Variants in NLRP3 observed in about 807,000 individuals in gnomAD.
The protein encoded by NLRP3 is NLR family pyrin domain containing 3.
NLRP3 carries 48 observed loss-of-function variants against 91.3 expected under a neutral mutation model. That is an observed-to-expected ratio of 0.53 (90% CI 0.42 to 0.67). The LOEUF is 0.67. Ranked by LOEUF, NLRP3 falls within the 30% of genes least tolerant of loss-of-function variation. The probability of loss-of-function intolerance (pLI) is 0.00; values close to 1 mark genes in which losing one functional copy is unlikely to be tolerated. For synonymous variants in NLRP3, 561 were observed against 507.9 expected (o/e 1.10, Z -1.41); for missense variants, 982 against 1,276.9 (o/e 0.77, Z 3.52).
chr1:247,446,734 G>A (rs1431730338), intron 9 of NLRP3, among the ~76,000 whole-genome samples: 4 of 151,960 alleles, frequency 2.6e-5, no homozygotes, highest in Admixed American at 6.6e-5. Context: ...TATGTGCTAT[G>A]TCATTTTCTT....
intron 7 of NLRP3, among the ~76,000 whole-genome samples, chr1:247,443,073 C>A (rs1176161071): frequency 6.6e-6 from 1 of 152,028 alleles, no homozygotes; most frequent in African/African-American, 2.4e-5. Context: ...TTACAGGTGC[C>A]CACCACCACC....
Position 247,424,949 on chromosome 1 carries a change from C to T in NLRP3, c.1500C>T (p.Phe500=). ...TGCAGAAGGCGGATGTGTCTGCTTTCCTGAGGATGAACCTGTTCCAAAAGG... is the reference window on the plus strand; with the variant it reads ...TGCAGAAGGCGGATGTGTCTGCTTTTCTGAGGATGAACCTGTTCCAAAAGG... The part of the protein sequence containing the change: ...HGLQKADVSA[F]LRMNLFQKEV... The change falls in exon 4 of 10, where the codon TTC becomes TTT. Residue 500 remains phenylalanine, a synonymous_variant. Coordinates refer to ENST00000336119, the MANE Select transcript of NLRP3 (RefSeq NM_001243133.2). This position sits in a 1 kb window ranked among gnomAD's most constrained non-coding sequence, Gnocchi z 8.1. 1.2e-6 allele frequency: 2 copies of T among 1,614,048 alleles called. No homozygotes were observed. Among genetic ancestry groups the T allele is most frequent in the Non-Finnish European group, 1.7e-6 (2 of 1,180,024 alleles).
chr1:247,431,973 A>C (rs1418598399), intron 5 of NLRP3, among the ~76,000 whole-genome samples: 1 of 151,910 alleles, frequency 6.6e-6, no homozygotes, highest in Non-Finnish European at 1.5e-5. Context: ...ATCTCGGCTC[A>C]CTGCAACATC....
rs1215652398 is a variant in NLRP3, at chr1:247,418,608, A to T, written c.-193A>T. The T allele has an allele frequency of 1.8e-5, 13 of 725,806 alleles. No homozygotes were observed. The East Asian group carries it at 3.6e-4, about 20-fold the overall frequency. The allele number at this position is 725,806 out of a possible 1,614,324, so 45.0% of individuals were successfully genotyped here. On this transcript the variant is annotated 5_prime_UTR_variant, in exon 2 of 10. Transcript: ENST00000336119. Reference sequence around the variant, plus strand: ...TGAGCCACTGTGCCCGGCCTTGGCTAACTTTTCAAAATTAAAGATTTTGAC... The same window carrying T: ...TGAGCCACTGTGCCCGGCCTTGGCTTACTTTTCAAAATTAAAGATTTTGAC...
At chr1:247,429,192 C>A (rs987374474) in intron 4 of NLRP3, among the ~76,000 whole-genome samples, 2 of 152,194 alleles carry the variant, frequency 1.3e-5, no homozygotes, top group Non-Finnish European at 2.9e-5. Context: ...CATGCCCAGC[C>A]TGGCCTGAGG....
rs766166377 is a variant in NLRP3, at chr1:247,448,540, C to T, written c.*36C>T. 4 of 1,315,310 alleles carry T rather than the reference C, an allele frequency of 3.0e-6. No individual in the cohort carries two copies. In the African/African-American group the frequency reaches 4.4e-5, roughly 14 times the overall value. The allele number at this position is 1,315,310 out of a possible 1,614,324, so 81.5% of individuals were successfully genotyped here. ...GGGGCTGCCAGACGCCAGTGTTCTC[C>T]GGTCCCTCCAGCTGGGGGCCCTCAG... is the stretch of plus-strand genomic sequence containing the variant. On this transcript the variant is annotated 3_prime_UTR_variant, in exon 10 of 10. Coordinates refer to ENST00000336119, the MANE Select transcript of NLRP3 (RefSeq NM_001243133.2).
In NLRP3 at chr1:247,439,489, T is replaced by C. The variant is rs139093204; in HGVS notation, c.2663+3349T>C. ...CCATTGCCTTTATCTCTACGTGGTGTCTTCCCTGTGTCTGTGTGTGTCTTT... is the reference window on the plus strand; with the variant it reads ...CCATTGCCTTTATCTCTACGTGGTGCCTTCCCTGTGTCTGTGTGTGTCTTT... On this transcript the variant is annotated intron_variant, in intron 7 of 9. Coordinates refer to ENST00000336119, the MANE Select transcript of NLRP3 (RefSeq NM_001243133.2). Among the ~76,000 whole-genome samples, 463 of 152,340 alleles carry C rather than the reference T, an allele frequency of 3.0e-3. 2 individuals are homozygous for C. Among genetic ancestry groups the C allele is most frequent in the Admixed American group, 4.8e-3 (74 of 15,304 alleles).
At chr1:247,427,261 C>G (rs1193561189) in intron 4 of NLRP3, among the ~76,000 whole-genome samples, 1 of 152,166 alleles carries the variant, frequency 6.6e-6, no homozygotes, top group African/African-American at 2.4e-5. Flanking sequence ...CTCAAAGGCC[C>G]CATCGCCTGA....
At position 247,436,032 on chromosome 1, in the gene NLRP3, G is replaced by C. The variant is rs1663768556; in HGVS notation, c.2555G>C (p.Ser852Thr). 1.9e-6 allele frequency: 3 copies of C among 1,614,172 alleles called. No homozygotes were observed. In the East Asian group the frequency reaches 6.7e-5, roughly 36 times the overall value. The stretch of plus-strand genomic sequence containing the variant: ...GATCTTGCATCAGTATTGAGCACCA[G>C]CCATTCCCTGACCAGACTCTATGTG... Reference protein sequence around the residue: ...CQDLASVLSTSHSLTRLYVGE... With the variant: ...CQDLASVLSTTHSLTRLYVGE... Residue 852 changes from serine (S) to threonine (T), a missense_variant, in exon 7 of 10, where the codon AGC (serine) becomes ACC (threonine). Transcript: ENST00000336119.
chr1:247,447,821 A>G (rs75109973), intron 9 of NLRP3, among the ~76,000 whole-genome samples: 9,953 of 151,888 alleles, frequency 0.066, 356 homozygotes, highest in East Asian at 0.079. Flanking sequence ...TGCAGTATTT[A>G]AAATAATCCA....
intron 7 of NLRP3, among the ~76,000 whole-genome samples, chr1:247,443,683 G>A (rs936783926): frequency 2.6e-5 from 4 of 152,054 alleles, no homozygotes; most frequent in African/African-American, 4.8e-5. Context: ...CCTGGCCGGA[G>A]GAAAGCTGTG....
At chr1:247,441,041 T>C (rs572006366) in intron 7 of NLRP3, among the ~76,000 whole-genome samples, 1 of 152,192 alleles carries the variant, frequency 6.6e-6, no homozygotes, top group South Asian at 2.1e-4. Context: ...CAATAAATAC[T>C]CAAAAAATGT....
Position 247,423,823 on chromosome 1 carries a change from C to T in NLRP3, c.398-24C>T, listed in dbSNP as rs369714103. On this transcript the variant is annotated intron_variant, in intron 3 of 9. Coordinates refer to ENST00000336119, the MANE Select transcript of NLRP3 (RefSeq NM_001243133.2). ...CAGGTGGATGTGTGTATACTTTCCC[C>T]CTAACTTCCTGTCTTTGCCGTAGAT... 1.7e-5 allele frequency: 28 copies of T among 1,609,452 alleles called. No individual in the cohort carries two copies. The Middle Eastern group carries it at 5.4e-4, about 31-fold the overall frequency.
chr1:247,441,508 C>A (rs1261243347), intron 7 of NLRP3, among the ~76,000 whole-genome samples: 1 of 152,156 alleles, frequency 6.6e-6, no homozygotes, highest in Admixed American at 6.5e-5. Flanking sequence ...CCACCTTGGC[C>A]TCCCAAAGCA....
chr1:247,419,164 A>ATATTTT (rs1491303088), intron 2 of NLRP3, 87 bp downstream of exon 2: 159 of 693,108 alleles, frequency 2.3e-4, no homozygotes, highest in East Asian at 8.5e-4. Flanking sequence ...ATATATATAT[A>ATATTTT]TTTTTTTTTG....
rs1199320924 is a variant in NLRP3 at position 247,436,096 on chromosome 1, A to T, written c.2619A>T (p.Leu873Phe). Residue 873 changes from leucine (L) to phenylalanine (F), a missense_variant, in exon 7 of 10, where the codon TTA becomes TTT. Around this residue, in one of 5 missense-constraint regions of NLRP3, gnomAD observed 373 missense variants for 431.5 expected, o/e 0.86. Coordinates refer to ENST00000336119, the MANE Select transcript of NLRP3 (RefSeq NM_001243133.2). Reference protein sequence around the residue: ...NALGDSGVAILCEKAKNPQCN... With the variant: ...NALGDSGVAIFCEKAKNPQCN... ...TGGGAGACTCAGGAGTCGCAATTTTATGTGAAAAAGCCAAGAATCCACAGT... is the reference window on the plus strand; with the variant it reads ...TGGGAGACTCAGGAGTCGCAATTTTTTGTGAAAAAGCCAAGAATCCACAGT... 6.2e-7 allele frequency: 1 copy of T among 1,614,046 alleles called. No homozygotes were observed. The highest frequency in any genetic ancestry group is 2.2e-5 in the East Asian group (1 of 44,894).
At position 247,424,804 on chromosome 1, in the gene NLRP3, GGGGA is replaced by G. The variant is rs756275610; in HGVS notation, c.1361_1364del (p.Gly454AlafsTer47). On this transcript the variant is annotated frameshift_variant, in exon 4 of 10. Coordinates refer to ENST00000336119, the MANE Select transcript of NLRP3 (RefSeq NM_001243133.2). LOFTEE classifies it high-confidence loss of function. This position sits in a 1 kb window ranked among gnomAD's most constrained non-coding sequence, Gnocchi z 8.1. ...TTCCTTTCCAGTTTGCTGCAGCCCC[GGGGA>G]GGGAGCCAGGAGCACGGCCTCTGCG... 6.2e-7 allele frequency: 1 copy of G among 1,609,150 alleles called. No individual in the cohort carries two copies. Among genetic ancestry groups the G allele is most frequent in the East Asian group, 2.2e-5 (1 of 44,884 alleles).
rs964156021 is a variant in NLRP3, at chr1:247,429,464, C to A, written c.2151-121C>A. On this transcript the variant is annotated intron_variant, in intron 4 of 9. Transcript: ENST00000336119. ...TGGGAACAATTTTTGGTTTCGTGAC[C>A]CATTTCTTAATCCCCGGAAGGCATT... The A allele has an allele frequency of 2.6e-5, 30 of 1,146,610 alleles. No individual in the cohort carries two copies. The South Asian group carries it at 3.3e-4, about 13-fold the overall frequency. 71.0% of individuals were successfully genotyped at this position (1,146,610 alleles called of 1,614,324 possible). A position where few individuals can be genotyped will look rare whatever the true frequency, so the allele number is the denominator to read the frequency against.
chr1:247,425,766 G>A lies in NLRP3; in HGVS notation c.2150+167G>A, dbSNP rs1040491683. ...GACTCCTTCATGAGCAAAGATTGAT[G>A]TATGGTAGGTGGATAAATGGGATGA... On this transcript the variant is annotated intron_variant, in intron 4 of 9. Transcript: ENST00000336119. This position sits in a 1 kb window ranked among gnomAD's most constrained non-coding sequence, Gnocchi z 4.1. 5 of 660,318 alleles carry A rather than the reference G, an allele frequency of 7.6e-6. No individual in the cohort carries two copies. Among genetic ancestry groups the A allele is most frequent in the South Asian group, 5.3e-5 (3 of 56,628 alleles). 40.9% of individuals were successfully genotyped at this position (660,318 alleles called of 1,614,324 possible). A position where few individuals can be genotyped will look rare whatever the true frequency, so the allele number is the denominator to read the frequency against.
Sources: gnomAD v4.1 joint callset for allele counts (sites outside exome capture counted in the v4.1 genomes callset) on GRCh38, gnomAD v4.1.1 for gene constraint, gnomAD v4.1.1 regional missense constraint, Gnocchi (gnomAD v3.1) non-coding constraint, MANE v1.5 for transcripts, NCBI Gene and HGNC (gene_info 2026-07-23, HGNC 2026-07-21) for gene names.